Variants in MEIOB observed in about 807,000 individuals in gnomAD.
The protein encoded by MEIOB is meiosis specific with OB-fold.
Under a neutral mutation model 53.1 loss-of-function variants are expected in MEIOB, and 50 were observed. The observed-to-expected ratio is 0.94, with a 90% CI of 0.75 to 1.19. The LOEUF is 1.19. MEIOB is among the 50% of genes most tolerant of loss of function. The probability of loss-of-function intolerance (pLI) is 0.00; values close to 1 mark genes in which losing one functional copy is unlikely to be tolerated. For missense variants in MEIOB, 551 were observed against 550.8 expected, an observed-to-expected ratio of 1.00 and a Z score of 0.00; for synonymous variants, 192 against 182.5, an observed-to-expected ratio of 1.05 and a Z score of -0.42.
At chr16:1,853,726 G>T (rs1165674321) in intron 7 of MEIOB, among the ~76,000 whole-genome samples, 1 of 152,090 alleles carries the variant, frequency 6.6e-6, no homozygotes, top group Non-Finnish European at 1.5e-5. Context: ...AGTGCTTCAG[G>T]GTGCAGTCCC....
chr16:1,838,595 C>T (rs1420328433), intron 12 of MEIOB, among the ~76,000 whole-genome samples: 4 of 152,124 alleles, frequency 2.6e-5, no homozygotes, highest in Non-Finnish European at 5.9e-5. Flanking sequence ...CCAAATCTTC[C>T]TAGAAAAACC....
intron 1 of MEIOB, among the ~76,000 whole-genome samples, chr16:1,869,792 G>A (rs1013737045): frequency 4.0e-5 from 6 of 151,498 alleles, no homozygotes; most frequent in African/African-American, 1.5e-4. Context: ...TTAGCATCAA[G>A]CTTACCTCAA....
At position 1,857,270 on chromosome 16, in the gene MEIOB, T is replaced by G. The variant is rs562550709; in HGVS notation, c.528+465A>C. Among the ~76,000 whole-genome samples the G allele has an allele frequency of 2.3e-4, 35 of 152,258 alleles. 1 individual carries two copies. The South Asian group carries it at 6.6e-3, about 29-fold the overall frequency. On this transcript the variant is annotated intron_variant, in intron 6 of 13. Coordinates refer to ENST00000325962, the MANE Select transcript of MEIOB (RefSeq NM_001163560.3). Reference sequence around the variant, plus strand: ...CTCACCAGCATGGTCCCACTGCACCTATTAGACCATGGAGCCCTACAGCAG... The same window carrying G: ...CTCACCAGCATGGTCCCACTGCACCGATTAGACCATGGAGCCCTACAGCAG...
At chr16:1,846,227 G>A (rs985718227) in intron 9 of MEIOB, among the ~76,000 whole-genome samples, 1 of 152,220 alleles carries the variant, frequency 6.6e-6, no homozygotes, top group African/African-American at 2.4e-5. Context: ...TGCTTCAGAT[G>A]GGAACATCTG....
At chr16:1,856,835 C>T (rs899135434) in intron 6 of MEIOB, among the ~76,000 whole-genome samples, 7 of 144,316 alleles carry the variant, frequency 4.9e-5, no homozygotes, top group African/African-American at 1.8e-4. Flanking sequence ...ATGATTTTGG[C>T]TCACTGCAAC....
chr16:1,860,992 G>A (rs1461454200), intron 4 of MEIOB, among the ~76,000 whole-genome samples: 2 of 152,036 alleles, frequency 1.3e-5, no homozygotes, highest in Non-Finnish European at 2.9e-5. Context: ...TGAGGCTAGG[G>A]CTCATAAAAG....
chr16:1,837,679 G>A, intron 13 of MEIOB, 105 bp downstream of exon 13: 1 of 597,224 alleles, frequency 1.7e-6, no homozygotes, highest in Non-Finnish European at 2.9e-6. Context: ...TGGGAACTGG[G>A]CATTAGAAAT....
chr16:1,837,384 G>A (rs1207299332), intron 13 of MEIOB, among the ~76,000 whole-genome samples: 1 of 152,010 alleles, frequency 6.6e-6, no homozygotes, highest in African/African-American at 2.4e-5. Context: ...TGGGGTTCAG[G>A]GGCCAAGAGA....
At chr16:1,871,315 G>A (rs1376373839) in intron 1 of MEIOB, among the ~76,000 whole-genome samples, 1 of 141,364 alleles carries the variant, frequency 7.1e-6, no homozygotes, top group Non-Finnish European at 1.5e-5. Context: ...CGCCTCCCGG[G>A]TTCACGCCAT....
At chr16:1,858,103 C>T (rs1214527713) in intron 5 of MEIOB, among the ~76,000 whole-genome samples, 173 bp from the exon 6 acceptor site, 1 of 152,142 alleles carries the variant, frequency 6.6e-6, no homozygotes, top group East Asian at 1.9e-4. Context: ...TTACAGTGCA[C>T]TTTCATTAAG....
intron 13 of MEIOB, among the ~76,000 whole-genome samples, chr16:1,835,411 T>G (rs1298782342): frequency 1.3e-5 from 2 of 152,122 alleles, no homozygotes; most frequent in Non-Finnish European, 2.9e-5. Flanking sequence ...ATTTTAATAG[T>G]CTTATTTTTT....
chr16:1,857,312 A>G (rs1899332724), intron 6 of MEIOB, among the ~76,000 whole-genome samples: 1 of 151,786 alleles, frequency 6.6e-6, no homozygotes, highest in South Asian at 2.1e-4. Context: ...GTGTATTCCC[A>G]CTCCCTCCCT....
chr16:1,868,037 A>G, intron 2 of MEIOB, 70 bp downstream of exon 2: 1 of 803,062 alleles, frequency 1.2e-6, no homozygotes, highest in Non-Finnish European at 2.0e-6. Context: ...TGAATGAATC[A>G]ATAACATTGA....
intron 11 of MEIOB, chr16:1,840,184 A>C (rs901000521): frequency 6.6e-6 from 1 of 152,218 alleles, no homozygotes; most frequent in Non-Finnish European, 1.5e-5. Context: ...CTCAGATATC[A>C]ATAATAAATG....
intron 9 of MEIOB, among the ~76,000 whole-genome samples, chr16:1,847,584 A>G (rs1899057351): frequency 6.6e-6 from 1 of 152,052 alleles, no homozygotes; most frequent in African/African-American, 2.4e-5. Context: ...CCCCCAAAAA[A>G]AAGAAGAAAA....
rs772933549 is a variant in MEIOB at position 1,841,926 on chromosome 16, C to A, written c.928G>T (p.Ala310Ser). ...VYTVEQLKGK[A>S]LKNEGKADPS... ...TCAGCTTTTCCTTCATTCTTCAAAG[C>A]TTTTCCCTTTAATTGTTCAACTGTG... Residue 310 changes from alanine (A) to serine (S), a missense_variant, in exon 11 of 14, where the codon GCT (alanine) becomes TCT (serine). Ala to Ser is a moderately conservative substitution (Grantham distance 99). Coordinates refer to ENST00000325962, the MANE Select transcript of MEIOB (RefSeq NM_001163560.3). 1 of 1,608,618 alleles carries A rather than the reference C, an allele frequency of 6.2e-7. No individual in the cohort carries two copies. Among genetic ancestry groups the A allele is most frequent in the South Asian group, 1.1e-5 (1 of 89,592 alleles).
chr16:1,870,237 C>G (rs550935739), intron 1 of MEIOB, among the ~76,000 whole-genome samples: 1 of 152,318 alleles, frequency 6.6e-6, no homozygotes, highest in South Asian at 2.1e-4. Context: ...GAGGTGGCAT[C>G]TTACGTATTT....
chr16:1,862,823 C>T (rs1899481122), intron 3 of MEIOB, among the ~76,000 whole-genome samples: 1 of 151,694 alleles, frequency 6.6e-6, no homozygotes, highest in Non-Finnish European at 1.5e-5. Flanking sequence ...GAGGCTGAGG[C>T]AGGAGAATCG....
At chr16:1,867,494 C>CA (rs1899624831) in intron 2 of MEIOB, among the ~76,000 whole-genome samples, 1 of 19,090 alleles carries the variant, frequency 5.2e-5, no homozygotes, top group Non-Finnish European at 9.7e-5. Flanking sequence ...TTTTTTTTTT[C>CA]AGAAGAGTTT....
Sources: allele counts gnomAD v4.1 joint callset (sites outside exome capture counted in the v4.1 genomes callset), GRCh38; gene constraint gnomAD v4.1.1; transcripts MANE v1.5; gene names NCBI Gene and HGNC (gene_info 2026-07-23, HGNC 2026-07-21).